Variants in ZSCAN5A observed in about 807,000 individuals in gnomAD.
The protein encoded by ZSCAN5A is zinc finger and SCAN domain containing 5A.
Under a neutral mutation model 23.7 loss-of-function variants are expected in ZSCAN5A, and 12 were observed. That is an observed-to-expected ratio of 0.51 (90% CI 0.32 to 0.82). ZSCAN5A has a LOEUF of 0.82. Ranked by LOEUF, ZSCAN5A falls within the 40% of genes least tolerant of loss-of-function variation. ZSCAN5A has a pLI of 0.03. For missense variants in ZSCAN5A, 597 were observed against 617.9 expected, an observed-to-expected ratio of 0.97 and a Z score of 0.36; for synonymous variants, 257 against 239.9, an observed-to-expected ratio of 1.07 and a Z score of -0.66.
At chr19:56,319,498 G>GGAAAAAAAA (rs752672172), upstream of ZSCAN5A, among the ~76,000 whole-genome samples, 29 of 78,418 alleles carry the variant, frequency 3.7e-4, no homozygotes, top group South Asian at 9.5e-4. Flanking sequence ...TCCATCTCGG[G>GGAAAAAAAA]AAAAAAAAAA....
At chr19:56,228,508 G>T in intron 2 of ZSCAN5A, 1 of 932,352 alleles carries the variant, frequency 1.1e-6, no homozygotes. Flanking sequence ...CCGCTCTACT[G>T]AGTTGTCATA....
chr19:56,320,826 G>C, intron 2 of ZSCAN5A: 1 of 782,526 alleles, frequency 1.3e-6, no homozygotes, highest in Non-Finnish European at 2.4e-6. Context: ...GTGGCAGCAA[G>C]ATGCTGTGCC....
intron 2 of ZSCAN5A, among the ~76,000 whole-genome samples, chr19:56,293,267 C>G (rs966838127): frequency 2.6e-5 from 4 of 152,268 alleles, no homozygotes; most frequent in African/African-American, 9.6e-5. Context: ...CAACTGAAAA[C>G]ACTGTGGTAA....
chr19:56,259,131 C>T (rs8110478), intron 2 of ZSCAN5A, among the ~76,000 whole-genome samples: 7,379 of 152,222 alleles, frequency 0.048, 630 homozygotes, highest in African/African-American at 0.17. Context: ...TTCTGAGTCA[C>T]TGAGTTTTGG....
At chr19:56,313,135 A>C in intron 2 of ZSCAN5A, 148 bp downstream of exon 2, 1 of 211,142 alleles carries the variant, frequency 4.7e-6, no homozygotes, top group South Asian at 4.5e-5. Flanking sequence ...ATCCTTTAAA[A>C]TGTAATAAAG....
At chr19:56,253,246 TGACAGAGCAAGAG>T (rs992647407) in intron 2 of ZSCAN5A, among the ~76,000 whole-genome samples, 8 of 134,528 alleles carry the variant, frequency 5.9e-5, no homozygotes, top group Admixed American at 2.5e-4. Flanking sequence ...CCAGCTTGGG[TGACAGAGCAAGAG>T]GCTGTCTCAA....
At chr19:56,242,967 C>T (rs909840429) in intron 2 of ZSCAN5A, among the ~76,000 whole-genome samples, 6 of 152,154 alleles carry the variant, frequency 3.9e-5, no homozygotes, top group Admixed American at 6.5e-5. Context: ...TGAGTAGAGA[C>T]GAAGTTTCAC....
intron 2 of ZSCAN5A, chr19:56,246,375 AC>A: frequency 1.8e-6 from 1 of 542,520 alleles, no homozygotes; most frequent in Admixed American, 2.8e-5. Flanking sequence ...AGGCTCTGAG[AC>A]CCAAGCCAAC....
intron 2 of ZSCAN5A, among the ~76,000 whole-genome samples, chr19:56,332,623 C>T (rs141677389): frequency 2.7e-4 from 41 of 152,298 alleles, no homozygotes; most frequent in African/African-American, 8.7e-4. Context: ...TGCCACTCTA[C>T]GCCTTTTGAG....
intron 2 of ZSCAN5A, among the ~76,000 whole-genome samples, chr19:56,248,843 A>C (rs1310797594): frequency 6.6e-6 from 1 of 151,902 alleles, no homozygotes; most frequent in Non-Finnish European, 1.5e-5. Flanking sequence ...CAGCATCCCC[A>C]GCAGAGCGGT....
chr19:56,240,414 G>A (rs995907117), intron 2 of ZSCAN5A, among the ~76,000 whole-genome samples: 3 of 152,124 alleles, frequency 2.0e-5, no homozygotes, highest in Non-Finnish European at 4.4e-5. Flanking sequence ...ATGGGGCAGT[G>A]CAGGAACTGG....
chr19:56,247,011 T>G (rs755371848), intron 2 of ZSCAN5A: 12 of 1,119,714 alleles, frequency 1.1e-5, no homozygotes, highest in Middle Eastern at 2.0e-4. Context: ...GCCCTGCAGG[T>G]GCAGTCAGTC....
At chr19:56,313,645 C>A (rs1484181346) in intron 1 of ZSCAN5A, among the ~76,000 whole-genome samples, 2 of 152,168 alleles carry the variant, frequency 1.3e-5, no homozygotes, top group African/African-American at 2.4e-5. Flanking sequence ...TTTATAAATT[C>A]TTTTATCATT....
chr19:56,252,593 C>G (rs1212693619), intron 2 of ZSCAN5A, among the ~76,000 whole-genome samples: 1 of 152,166 alleles, frequency 6.6e-6, no homozygotes, highest in Non-Finnish European at 1.5e-5. Flanking sequence ...TCCCCACTGG[C>G]ACTAGAAGAG....
In ZSCAN5A at chr19:56,352,059, C is replaced by A. The variant is rs961841807; in HGVS notation, c.-358+11176G>T. The stretch of plus-strand genomic sequence containing the variant: ...GATGGAGTGCCTTCTTTATGCCCTG[C>A]GCTTGGGTATGCTTTGGTGGATAGT... On this transcript the variant is annotated intron_variant, in intron 2 of 6. Coordinates refer to the ZSCAN5A transcript ENST00000587340. The surrounding 1 kb of genome is among the most constrained non-coding windows in gnomAD (Gnocchi z 4.2). Among the ~76,000 whole-genome samples the A allele has an allele frequency of 2.0e-5, 3 of 152,090 alleles. No homozygotes were observed. Among genetic ancestry groups the A allele is most frequent in the Non-Finnish European group, 2.9e-5 (2 of 68,022 alleles).
At chr19:56,238,048 G>GACACACACGAA (rs1168621785) in intron 2 of ZSCAN5A, among the ~76,000 whole-genome samples, 5 of 5,468 alleles carry the variant, frequency 9.1e-4, no homozygotes, top group African/African-American at 1.4e-3. Flanking sequence ...AGGAGTCGTG[G>GACACACACGAA]CATATGTGTC....
At chr19:56,307,483 G>A (rs1908609519) in intron 2 of ZSCAN5A, among the ~76,000 whole-genome samples, 1 of 152,156 alleles carries the variant, frequency 6.6e-6, no homozygotes, top group Admixed American at 6.5e-5. Context: ...CTTTTCCTAA[G>A]GTTAACTGTG....
chr19:56,233,663 A>G (rs1379058829), intron 2 of ZSCAN5A, among the ~76,000 whole-genome samples: 1 of 151,990 alleles, frequency 6.6e-6, no homozygotes, highest in East Asian at 1.9e-4. Flanking sequence ...CTGCTTAAAA[A>G]AAAATACTAC....
intron 2 of ZSCAN5A, among the ~76,000 whole-genome samples, chr19:56,333,914 T>C (rs888735686): frequency 2.6e-5 from 4 of 151,998 alleles, no homozygotes; most frequent in African/African-American, 9.7e-5. Flanking sequence ...AAATTAGGAA[T>C]GCCAACATCT....
Sources: allele counts gnomAD v4.1 joint callset (sites outside exome capture counted in the v4.1 genomes callset), GRCh38; gene constraint gnomAD v4.1.1; non-coding constraint Gnocchi (gnomAD v3.1); transcripts MANE v1.5; gene names NCBI Gene and HGNC (gene_info 2026-07-23, HGNC 2026-07-21).